The following HDAC4 variants were observed in gnomAD, a reference collection of about 807,000 sequenced individuals.
HDAC4 encodes histone deacetylase A.
HDAC4 carries 16 observed loss-of-function variants against 135.1 expected under a neutral mutation model. The ratio of observed to expected loss-of-function variants is 0.12; its 90% CI spans 0.08 to 0.18. The LOEUF is 0.18. Ranked by LOEUF, HDAC4 falls within the 10% of genes least tolerant of loss-of-function variation. HDAC4 has a pLI of 1.00. For synonymous variants in HDAC4, 685 were observed against 653.4 expected, an observed-to-expected ratio of 1.05 and a Z score of -0.74; for missense variants, 1,143 against 1,511.8, an observed-to-expected ratio of 0.76 and a Z score of 4.05.
intron 5 of HDAC4, among the ~76,000 whole-genome samples, chr2:239,171,721 A>T (rs187719394): frequency 1.3e-5 from 2 of 152,358 alleles, no homozygotes. Context: ...GAAGAACTTC[A>T]AAAAACCAAA....
rs559002009 is a variant in HDAC4, at chr2:239,172,818, A to T, written c.490+3595T>A. 4.6e-5 allele frequency among the ~76,000 whole-genome samples: 7 copies of T among 152,298 alleles called. No homozygotes were observed. In the South Asian group the frequency reaches 1.4e-3, roughly 32 times the overall value. On this transcript the variant is annotated intron_variant, in intron 5 of 26. Transcript: ENST00000543185. ...CAAACAACCAATATCTGGAGTGTAAAAGAGGACATCATTAAAGGTCTGACA... is the reference window on the plus strand; with the variant it reads ...CAAACAACCAATATCTGGAGTGTAATAGAGGACATCATTAAAGGTCTGACA...
At chr2:239,171,298 A>G (rs868086529) in intron 5 of HDAC4, among the ~76,000 whole-genome samples, 2 of 152,228 alleles carry the variant, frequency 1.3e-5, no homozygotes, top group African/African-American at 4.8e-5. Context: ...AAGAAAGTCT[A>G]TGGAAAACTA....
chr2:239,164,001 G>A, intron 5 of HDAC4, 78 bp from the exon 6 acceptor site: 1 of 1,574,854 alleles, frequency 6.3e-7, no homozygotes, highest in Non-Finnish European at 8.7e-7. Flanking sequence ...CGGGGCCACA[G>A]AGGGAGGGAA....
rs1575684588 is a variant in HDAC4 at position 239,316,816 on chromosome 2, G to C, written c.22+35862C>G. 2.6e-5 allele frequency among the ~76,000 whole-genome samples: 4 copies of C among 152,312 alleles called. No homozygotes were observed. In the South Asian group the frequency reaches 8.3e-4, roughly 32 times the overall value. On this transcript the variant is annotated intron_variant, in intron 2 of 26. Transcript: ENST00000543185. ...CATGGGGACAGGGTGGAAAGGACAG[G>C]GGACAGCAGGGGTAGGGGACCCGCT... is the stretch of plus-strand genomic sequence containing the variant.
At position 239,253,861 on chromosome 2, in the gene HDAC4, A is replaced by C. The variant is rs536568986; in HGVS notation, c.23-17197T>G. Among the ~76,000 whole-genome samples the C allele has an allele frequency of 2.3e-4, 35 of 152,162 alleles. 1 individual carries two copies. Among genetic ancestry groups the C allele is most frequent in the African/African-American group, 3.6e-4 (15 of 41,452 alleles). On this transcript the variant is annotated intron_variant, in intron 2 of 26. Coordinates refer to ENST00000543185, the MANE Select transcript of HDAC4 (RefSeq NM_001378414.1). ...CCAGGGAGCCAGTGGGCGGCTGCAT[A>C]TCTGGGTGGGCAGGAGAGGTGGCCA...
chr2:239,230,617 C>G (rs907210372), intron 3 of HDAC4, among the ~76,000 whole-genome samples: 6 of 152,162 alleles, frequency 3.9e-5, no homozygotes, highest in South Asian at 2.1e-4. Context: ...GGGGGCCACT[C>G]GAGGAACCAC....
At position 239,350,957 on chromosome 2, in the gene HDAC4, A is replaced by G. The variant is rs559251037; in HGVS notation, c.22+1721T>C. Among the ~76,000 whole-genome samples the G allele has an allele frequency of 7.5e-4, 114 of 152,276 alleles. 1 individual carries two copies. Among genetic ancestry groups the G allele is most frequent in the Non-Finnish European group, 6.5e-4 (44 of 68,048 alleles). On this transcript the variant is annotated intron_variant, in intron 2 of 26. Coordinates refer to ENST00000543185, the MANE Select transcript of HDAC4 (RefSeq NM_001378414.1). Reference sequence around the variant, plus strand: ...TACAAAAATATGCACCCCCATTAAAATAATCAAGTGTACTCAAACAATAAT... The same window carrying G: ...TACAAAAATATGCACCCCCATTAAAGTAATCAAGTGTACTCAAACAATAAT...
intron 11 of HDAC4, among the ~76,000 whole-genome samples, chr2:239,129,811 C>G (rs1423068176): frequency 6.6e-6 from 1 of 152,190 alleles, no homozygotes; most frequent in Non-Finnish European, 1.5e-5. Context: ...ACCCAGCCAT[C>G]CAGGGTCTAA....
At chr2:239,374,743 T>C (rs1432163413) in intron 1 of HDAC4, among the ~76,000 whole-genome samples, 1 of 152,184 alleles carries the variant, frequency 6.6e-6, no homozygotes, top group Non-Finnish European at 1.5e-5. Flanking sequence ...GTGTGCTAAA[T>C]GGGATAAATT....
At position 239,111,429 on chromosome 2, in the gene HDAC4, C is replaced by T. The variant is rs1402129417; in HGVS notation, c.1978+97G>A. 1.3e-5 allele frequency: 17 copies of T among 1,290,492 alleles called. No individual in the cohort carries two copies. The East Asian group carries it at 4.3e-4, about 33-fold the overall frequency. 79.9% of individuals were successfully genotyped at this position (1,290,492 alleles called of 1,614,324 possible). A position where few individuals can be genotyped will look rare whatever the true frequency, so the allele number is the denominator to read the frequency against. ...TGGCCCTCGTGCCTGCCCAGCCCCT[C>T]CTCAGCCTCTGCAGAGCTGGGCCGG... On this transcript the variant is annotated intron_variant, in intron 14 of 26. Coordinates refer to ENST00000543185, the MANE Select transcript of HDAC4 (RefSeq NM_001378414.1).
At chr2:239,156,372 C>T (rs1049862067) in intron 7 of HDAC4, among the ~76,000 whole-genome samples, 1 of 152,188 alleles carries the variant, frequency 6.6e-6, no homozygotes, top group Non-Finnish European at 1.5e-5. Flanking sequence ...CAAAATCTAA[C>T]ACACCACCGA....
At chr2:239,150,627 G>A (rs11695950) in intron 7 of HDAC4, among the ~76,000 whole-genome samples, 7,014 of 128,870 alleles carry the variant, frequency 0.054, 404 homozygotes, top group East Asian at 0.12. Flanking sequence ...CCTGAAGTAT[G>A]TACCACACCT....
At chr2:239,152,435 G>A (rs759512588) in intron 7 of HDAC4, among the ~76,000 whole-genome samples, 5 of 152,234 alleles carry the variant, frequency 3.3e-5, no homozygotes, top group African/African-American at 9.6e-5. Flanking sequence ...ACCCTGGGCC[G>A]AAATCTGGCG....
At chr2:239,321,955 T>C (rs1236084226) in intron 2 of HDAC4, among the ~76,000 whole-genome samples, 2 of 152,178 alleles carry the variant, frequency 1.3e-5, no homozygotes, top group Admixed American at 1.3e-4. Context: ...AATGAAAGAA[T>C]GAAGCAACGA....
chr2:239,281,187 T>G lies in HDAC4; in HGVS notation c.23-44523A>C, dbSNP rs1238581846. Among the ~76,000 whole-genome samples the G allele has an allele frequency of 3.6e-5, 4 of 112,306 alleles. 2 individuals are homozygous for G. The East Asian group carries it at 1.1e-3, about 30-fold the overall frequency. 73.7% of individuals were successfully genotyped at this position (112,306 alleles called of 152,430 possible). A position where few individuals can be genotyped will look rare whatever the true frequency, so the allele number is the denominator to read the frequency against. The stretch of plus-strand genomic sequence containing the variant: ...CACACAATGTACACACCACTCTCAA[T>G]GTACACACCCCTCTACAATGAACAC... On this transcript the variant is annotated intron_variant, in intron 2 of 26. Transcript: ENST00000543185.
chr2:239,387,603 C>G (rs1049249304), intron 1 of HDAC4, among the ~76,000 whole-genome samples: 1 of 152,236 alleles, frequency 6.6e-6, no homozygotes, highest in African/African-American at 2.4e-5. Context: ...TGTGCCCCAG[C>G]TGACAGGGAC....
At chr2:239,276,090 C>T (rs887946974) in intron 2 of HDAC4, among the ~76,000 whole-genome samples, 12 of 152,174 alleles carry the variant, frequency 7.9e-5, no homozygotes, top group Non-Finnish European at 1.5e-4. Flanking sequence ...TGTTCCTCCA[C>T]TGCCAGGGAG....
intron 2 of HDAC4, among the ~76,000 whole-genome samples, chr2:239,284,453 C>T (rs540861411): frequency 3.9e-5 from 6 of 152,304 alleles, no homozygotes; most frequent in Middle Eastern, 3.4e-3. Context: ...CGCAGAGCTG[C>T]CTCCCTGAGG....
At chr2:239,091,257 G>C (rs571374935) in intron 17 of HDAC4, 8 of 152,448 alleles carry the variant, frequency 5.2e-5, no homozygotes, top group East Asian at 1.9e-4. Flanking sequence ...GTCTGGCCAG[G>C]GGAGGGAGGT....
Sources: gnomAD v4.1 joint callset for allele counts (sites outside exome capture counted in the v4.1 genomes callset) on GRCh38, gnomAD v4.1.1 for gene constraint, MANE v1.5 for transcripts, NCBI Gene and HGNC (gene_info 2026-07-23, HGNC 2026-07-21) for gene names.